Variants in SCD5 observed in about 807,000 individuals in gnomAD.
The protein encoded by SCD5 is acyl-CoA-desaturase 4.
A neutral mutation model predicts 30.4 loss-of-function variants in SCD5; 20 were observed. The observed-to-expected ratio is 0.66, with a 90% CI of 0.46 to 0.96. The LOEUF (loss-of-function observed/expected upper bound fraction) is 0.96. Among genes scored for constraint, SCD5 ranks in the 40% least tolerant of loss-of-function variants. The pLI, the probability that SCD5 is intolerant of heterozygous loss-of-function variation, is 0.00. For synonymous variants in SCD5, 173 were observed against 176.4 expected (o/e 0.98, Z 0.16); for missense variants, 381 against 443.3 (o/e 0.86, Z 1.26).
At chr4:82,687,662 T>G (rs1728741073) in intron 2 of SCD5, among the ~76,000 whole-genome samples, 1 of 152,234 alleles carries the variant, frequency 6.6e-6, no homozygotes, top group Non-Finnish European at 1.5e-5. Context: ...TATCCATGAT[T>G]GATAACATAC....
rs1382168728 is a variant in SCD5, at chr4:82,660,507, G to T, written c.569+20200C>A. On this transcript the variant is annotated intron_variant, in intron 3 of 4. Coordinates refer to ENST00000319540, the MANE Select transcript of SCD5 (RefSeq NM_001037582.3). ...ATAAATGGAATATCTCCTATAGAGT[G>T]CTGTATGTGTAGTTAATAACACAAA... The T allele has an allele frequency of 2.8e-6, 3 of 1,078,432 alleles. No individual in the cohort carries two copies. In the Admixed American group the frequency reaches 1.4e-4, roughly 51 times the overall value. The allele number at this position is 1,078,432 out of a possible 1,614,324, so 66.8% of individuals were successfully genotyped here.
chr4:82,765,250 T>C (rs1721462159), intron 1 of SCD5, among the ~76,000 whole-genome samples: 1 of 152,212 alleles, frequency 6.6e-6, no homozygotes, highest in African/African-American at 2.4e-5. Context: ...GAAGATATTT[T>C]TGTTGGATAT....
chr4:82,658,230 T>A (rs1578008496), intron 3 of SCD5, among the ~76,000 whole-genome samples: 1 of 152,184 alleles, frequency 6.6e-6, no homozygotes, highest in Admixed American at 6.5e-5. Context: ...TGGCTGTGGG[T>A]TTGTCATAAA....
intron 1 of SCD5, among the ~76,000 whole-genome samples, chr4:82,766,120 G>A (rs953926197): frequency 2.6e-5 from 4 of 152,130 alleles, no homozygotes; most frequent in African/African-American, 9.7e-5. Context: ...TGAGCTTCTT[G>A]AATAAGTGGA....
chr4:82,784,792 T>C (rs1721951635), intron 1 of SCD5, among the ~76,000 whole-genome samples: 2 of 152,140 alleles, frequency 1.3e-5, no homozygotes, highest in African/African-American at 4.8e-5. Context: ...GAGGTGATAT[T>C]AAAAATATCT....
chr4:82,664,961 A>ATCTCTCTCTCTCTCTCTC (rs368839845), intron 3 of SCD5, among the ~76,000 whole-genome samples: 11 of 77,068 alleles, frequency 1.4e-4, no homozygotes, highest in Non-Finnish European at 2.3e-4. Flanking sequence ...GCAAGACCCC[A>ATCTCTCTCTCTCTCTCTC]TCTCTCTCTC....
chr4:82,708,428 A>C (rs1430437607), intron 1 of SCD5, among the ~76,000 whole-genome samples: 3 of 152,198 alleles, frequency 2.0e-5, no homozygotes. Context: ...CCACCACCAG[A>C]CATGTGTCAT....
intron 1 of SCD5, among the ~76,000 whole-genome samples, chr4:82,750,056 G>A (rs1357845361): frequency 6.6e-6 from 1 of 152,168 alleles, no homozygotes; most frequent in Non-Finnish European, 1.5e-5. Context: ...GGAAAAGTGG[G>A]AATATTAAGA....
intron 1 of SCD5, among the ~76,000 whole-genome samples, chr4:82,787,909 C>T (rs1399583332): frequency 1.3e-5 from 2 of 152,096 alleles, no homozygotes; most frequent in Admixed American, 6.5e-5. Context: ...TGGTAGCATG[C>T]CTCTGTAGTC....
At position 82,702,393 on chromosome 4, in the gene SCD5, C is replaced by T. The variant is rs529717053; in HGVS notation, c.363+2890G>A. On this transcript the variant is annotated intron_variant, in intron 2 of 4. Transcript: ENST00000319540. ...CTCCTGATCTCAGGTGATCCACTCG[C>T]CTCGGCCTCCCAAAGTGCTGGGATT... Among the ~76,000 whole-genome samples the T allele has an allele frequency of 3.9e-5, 6 of 151,978 alleles. No homozygotes were observed. In the East Asian group the frequency reaches 1.2e-3, roughly 29 times the overall value.
chr4:82,754,985 G>A (rs1721202987), intron 1 of SCD5, among the ~76,000 whole-genome samples: 1 of 152,112 alleles, frequency 6.6e-6, no homozygotes, highest in African/African-American at 2.4e-5. Context: ...TAAAACAGAA[G>A]GTGCCAAAGT....
chr4:82,784,813 A>G (rs1232620355), intron 1 of SCD5, among the ~76,000 whole-genome samples: 1 of 152,248 alleles, frequency 6.6e-6, no homozygotes, highest in Admixed American at 6.5e-5. Flanking sequence ...GACAACCCAC[A>G]GGGCACCAGC....
At chr4:82,744,057 C>T (rs1720936287) in intron 1 of SCD5, among the ~76,000 whole-genome samples, 1 of 152,114 alleles carries the variant, frequency 6.6e-6, no homozygotes, top group South Asian at 2.1e-4. Flanking sequence ...AAGTTCTAAG[C>T]TCAACAGATC....
intron 1 of SCD5, among the ~76,000 whole-genome samples, chr4:82,730,930 G>A (rs1042764185): frequency 2.6e-5 from 4 of 152,090 alleles, no homozygotes; most frequent in African/African-American, 4.8e-5. Context: ...TCTCTTGAAC[G>A]ACTGCTTCTT....
At chr4:82,707,903 T>TA (rs1275415879) in intron 1 of SCD5, among the ~76,000 whole-genome samples, 1 of 152,184 alleles carries the variant, frequency 6.6e-6, no homozygotes, top group African/African-American at 2.4e-5. Flanking sequence ...TGTAAGAAAA[T>TA]AAATATGTTT....
At chr4:82,673,344 A>G (rs1728368548) in intron 3 of SCD5, among the ~76,000 whole-genome samples, 1 of 152,178 alleles carries the variant, frequency 6.6e-6, no homozygotes, top group African/African-American at 2.4e-5. Context: ...TTAATATACA[A>G]TAGTCAATTT....
intron 2 of SCD5, among the ~76,000 whole-genome samples, chr4:82,699,190 G>A (rs906177300): frequency 2.0e-5 from 3 of 152,090 alleles, no homozygotes; most frequent in Admixed American, 2.0e-4. Flanking sequence ...CTGGTCCCTA[G>A]TGCCATAAAG....
intron 1 of SCD5, among the ~76,000 whole-genome samples, chr4:82,729,132 A>G (rs959546910): frequency 5.3e-5 from 8 of 152,244 alleles, no homozygotes; most frequent in Admixed American, 4.6e-4. Flanking sequence ...GAGCCTCCAA[A>G]AGCTGAAATG....
chr4:82,776,336 G>A (rs1721743801), intron 1 of SCD5, among the ~76,000 whole-genome samples: 1 of 152,110 alleles, frequency 6.6e-6, no homozygotes, highest in Non-Finnish European at 1.5e-5. Context: ...GGCCTCCCCA[G>A]TTTGCATGTG....
Sources: gnomAD v4.1 joint callset for allele counts (sites outside exome capture counted in the v4.1 genomes callset) on GRCh38, gnomAD v4.1.1 for gene constraint, MANE v1.5 for transcripts, NCBI Gene and HGNC (gene_info 2026-07-23, HGNC 2026-07-21) for gene names.